The following SLC4A4 variants were observed in gnomAD, a reference collection of about 807,000 sequenced individuals.
SLC4A4 encodes solute carrier family 4 member 4, also known as electrogenic sodium bicarbonate cotransporter 1.
In SLC4A4, 27 loss-of-function variants were observed where a neutral mutation model predicts 111.5. That is an observed-to-expected ratio of 0.24 (90% CI 0.18 to 0.33). The LOEUF is 0.33. Among genes scored for constraint, SLC4A4 ranks in the 10% least tolerant of loss-of-function variants. SLC4A4 has a pLI of 1.00. For missense variants in SLC4A4, 909 were observed against 1,315.5 expected (o/e 0.69, Z 4.78); for synonymous variants, 443 against 463.4 (o/e 0.96, Z 0.57).
chr4:71,504,714 T>C (rs993995098), intron 16 of SLC4A4, among the ~76,000 whole-genome samples: 1 of 152,114 alleles, frequency 6.6e-6, no homozygotes, highest in Non-Finnish European at 1.5e-5. Context: ...TTTGTATTTT[T>C]TTTAAATATC....
chr4:71,345,113 A>G (rs1242479352), intron 4 of SLC4A4, among the ~76,000 whole-genome samples: 7 of 152,138 alleles, frequency 4.6e-5, no homozygotes, highest in Non-Finnish European at 1.0e-4. Context: ...TCCAAAATAG[A>G]GCACAAGTTG....
chr4:71,101,846 C>T (rs991320997), intron 2 of SLC4A4, among the ~76,000 whole-genome samples: 62 of 151,920 alleles, frequency 4.1e-4, no homozygotes, highest in Non-Finnish European at 2.9e-4. Flanking sequence ...AAACGGGAAA[C>T]TCTAAAACGC....
chr4:71,444,428 T>C (rs1295510441), intron 8 of SLC4A4, among the ~76,000 whole-genome samples: 2 of 152,198 alleles, frequency 1.3e-5, no homozygotes, highest in Non-Finnish European at 2.9e-5. Flanking sequence ...TATTTATTTA[T>C]GAGTGAATAA....
chr4:71,397,541 G>C lies in SLC4A4; in HGVS notation c.731-36G>C, dbSNP rs187221634. On this transcript the variant is annotated intron_variant, in intron 6 of 25. Coordinates refer to ENST00000264485, the MANE Select transcript of SLC4A4 (RefSeq NM_001098484.3). ...ACCAAAGTCTTTGTGTTATTGAAAA[G>C]AAGTCTTTAATTAGAGTTTACTTGT... The C allele has an allele frequency of 7.7e-5, 119 of 1,552,210 alleles. No individual in the cohort carries two copies. In the African/African-American group the frequency reaches 1.4e-3, roughly 18 times the overall value.
At chr4:71,314,606 T>C (rs978812549) in intron 3 of SLC4A4, among the ~76,000 whole-genome samples, 1 of 152,186 alleles carries the variant, frequency 6.6e-6, no homozygotes, top group Non-Finnish European at 1.5e-5. Context: ...AATGAGTTCA[T>C]GTCCTTTGCA....
chr4:71,444,059 T>C (rs545044118), intron 8 of SLC4A4, among the ~76,000 whole-genome samples: 27 of 152,314 alleles, frequency 1.8e-4, no homozygotes, highest in African/African-American at 6.3e-4. Flanking sequence ...GAATTCACTG[T>C]TGTTTTGAGA....
chr4:71,272,350 A>G (rs16846182), intron 3 of SLC4A4, among the ~76,000 whole-genome samples: 10,945 of 152,208 alleles, frequency 0.072, 1,219 homozygotes, highest in African/African-American at 0.23. Flanking sequence ...CAGAAGCCCA[A>G]TAAGGAAGGT....
chr4:71,152,731 T>C (rs1181748006), intron 2 of SLC4A4, among the ~76,000 whole-genome samples: 1 of 152,100 alleles, frequency 6.6e-6, no homozygotes, highest in African/African-American at 2.4e-5. Flanking sequence ...ATTTACCCAA[T>C]GGTGCCCACC....
intron 7 of SLC4A4, among the ~76,000 whole-genome samples, chr4:71,418,963 ACC>A (rs1722082272): frequency 6.6e-6 from 1 of 152,118 alleles, no homozygotes; most frequent in African/African-American, 2.4e-5. Flanking sequence ...TCCACTCCAG[ACC>A]CTGTTTGCCT....
intron 3 of SLC4A4, among the ~76,000 whole-genome samples, chr4:71,331,643 A>G (rs866887700): frequency 8.6e-5 from 13 of 151,450 alleles, no homozygotes; most frequent in South Asian, 2.1e-4. Flanking sequence ...TGACGAGTTA[A>G]TGGGTATAGC....
At position 71,304,323 on chromosome 4, in the gene SLC4A4, T is replaced by C. The variant is rs560303471; in HGVS notation, c.254-35047T>C. On this transcript the variant is annotated intron_variant, in intron 3 of 25. Coordinates refer to ENST00000264485, the MANE Select transcript of SLC4A4 (RefSeq NM_001098484.3). Reference sequence around the variant, plus strand: ...CATTCTGAATCCAAAAGCCTGAGAATTGGGGGGCCAATGTCCTGGTGTGAG... The same window carrying C: ...CATTCTGAATCCAAAAGCCTGAGAACTGGGGGGCCAATGTCCTGGTGTGAG... 7.2e-5 allele frequency among the ~76,000 whole-genome samples: 11 copies of C among 152,308 alleles called. No homozygotes were observed. The South Asian group carries it at 1.0e-3, about 14-fold the overall frequency.
intron 7 of SLC4A4, among the ~76,000 whole-genome samples, chr4:71,399,646 G>A (rs1002827475): frequency 2.6e-5 from 4 of 151,576 alleles, no homozygotes; most frequent in Non-Finnish European, 5.9e-5. Flanking sequence ...TTCTACTCTA[G>A]ATTAAAAATG....
chr4:71,338,101 G>T (rs1039625554), intron 3 of SLC4A4, among the ~76,000 whole-genome samples: 16 of 147,514 alleles, frequency 1.1e-4, no homozygotes, highest in Non-Finnish European at 2.4e-4. Flanking sequence ...CCAAAGTGTT[G>T]GGATCGCAGG....
chr4:71,211,977 G>A (rs554815174), intron 1 of SLC4A4, among the ~76,000 whole-genome samples: 1 of 152,190 alleles, frequency 6.6e-6, no homozygotes, highest in East Asian at 1.9e-4. Flanking sequence ...CAAATTCACG[G>A]ATGTGATGAT....
chr4:71,284,522 C>T (rs1019787324), intron 3 of SLC4A4, among the ~76,000 whole-genome samples: 3 of 152,194 alleles, frequency 2.0e-5, no homozygotes, highest in African/African-American at 7.2e-5. Flanking sequence ...CATAACATCC[C>T]TTGAAAATTA....
At chr4:71,466,795 C>G (rs1213268664) in intron 13 of SLC4A4, among the ~76,000 whole-genome samples, 1 of 151,924 alleles carries the variant, frequency 6.6e-6, no homozygotes, top group East Asian at 1.9e-4. Context: ...TATCCTTGCT[C>G]CCTTCCCACT....
At chr4:71,311,230 C>G (rs762582154) in intron 3 of SLC4A4, among the ~76,000 whole-genome samples, 1 of 152,110 alleles carries the variant, frequency 6.6e-6, no homozygotes, top group Non-Finnish European at 1.5e-5. Context: ...CTTAGACTCC[C>G]ACACAGTAAT....
At chr4:71,109,269 C>A (rs938433559) in intron 2 of SLC4A4, among the ~76,000 whole-genome samples, 3 of 152,032 alleles carry the variant, frequency 2.0e-5, no homozygotes, top group African/African-American at 7.2e-5. Flanking sequence ...CTAATTTCCC[C>A]CATATATGTA....
At chr4:71,142,232 T>C (rs1275309939) in intron 2 of SLC4A4, among the ~76,000 whole-genome samples, 1 of 152,252 alleles carries the variant, frequency 6.6e-6, no homozygotes, top group Non-Finnish European at 1.5e-5. Context: ...ATGAGTTTGC[T>C]AGTTGCAAGT....
Sources: gnomAD v4.1 joint callset for allele counts (sites outside exome capture counted in the v4.1 genomes callset) on GRCh38, gnomAD v4.1.1 for gene constraint, MANE v1.5 for transcripts, NCBI Gene and HGNC (gene_info 2026-07-23, HGNC 2026-07-21) for gene names.